MYO16: variants seen among roughly 807,000 people sequenced by gnomAD.
The protein encoded by MYO16 is unconventional myosin-XVI.
In MYO16, 94 loss-of-function variants were observed where a neutral mutation model predicts 205.3. The observed-to-expected ratio is 0.46, with a 90% confidence interval of 0.39 to 0.54. The LOEUF (loss-of-function observed/expected upper bound fraction) is 0.54, where lower values mean the gene tolerates loss of function less well. Among genes scored for constraint, MYO16 ranks in the 20% least tolerant of loss-of-function variants. MYO16 has a pLI of 0.00. For missense variants in MYO16, 2,315 were observed against 2,387.5 expected, an observed-to-expected ratio of 0.97 and a Z score of 0.63; for synonymous variants, 988 against 954.0, an observed-to-expected ratio of 1.04 and a Z score of -0.66.
At chr13:108,538,942 T>G in the MYO16 span, among the ~76,000 whole-genome samples, 1 of 152,114 alleles carries the variant, frequency 6.6e-6, no homozygotes, top group African/African-American at 2.4e-5. Context: ...TCTTCCCTTT[T>G]TGAGTTCTCC....
At chr13:109,009,705 A>G (rs1320721012) in intron 22 of MYO16, among the ~76,000 whole-genome samples, 1 of 152,214 alleles carries the variant, frequency 6.6e-6, no homozygotes, top group Admixed American at 6.5e-5. Context: ...AACAGACACA[A>G]TTCAGCTATT....
intron 10 of MYO16, among the ~76,000 whole-genome samples, chr13:108,851,441 A>G (rs1159757103): frequency 6.6e-6 from 1 of 152,176 alleles, no homozygotes; most frequent in Non-Finnish European, 1.5e-5. Context: ...CTCTCTACAT[A>G]ATGACTTTTG....
At chr13:108,767,070 G>T (rs1397170145) in intron 4 of MYO16, among the ~76,000 whole-genome samples, 1 of 151,732 alleles carries the variant, frequency 6.6e-6, no homozygotes, top group Non-Finnish European at 1.5e-5. Context: ...TTTTGTTCTT[G>T]TTGTATCTGG....
At chr13:108,747,254 A>T (rs1014998470) in intron 4 of MYO16, among the ~76,000 whole-genome samples, 6 of 152,244 alleles carry the variant, frequency 3.9e-5, no homozygotes, top group African/African-American at 1.4e-4. Flanking sequence ...AATAAAGACA[A>T]AATTAACTCC....
chr13:108,822,457 A>G (rs947946749), intron 8 of MYO16, among the ~76,000 whole-genome samples: 2 of 152,148 alleles, frequency 1.3e-5, no homozygotes, highest in Admixed American at 6.6e-5. Context: ...ATTGATATGA[A>G]TGTTGATTTT....
At chr13:108,897,601 T>C (rs1880490764) in intron 14 of MYO16, among the ~76,000 whole-genome samples, 1 of 152,232 alleles carries the variant, frequency 6.6e-6, no homozygotes, top group African/African-American at 2.4e-5. Context: ...TAAATAAATG[T>C]ATTATTGTAA....
intron 5 of MYO16, among the ~76,000 whole-genome samples, chr13:108,789,478 G>A (rs552988113): frequency 6.6e-6 from 1 of 152,110 alleles, no homozygotes; most frequent in Admixed American, 6.6e-5. Context: ...TTTGTTTAAG[G>A]CAGTTTATTT....
At chr13:109,184,929 C>T (rs1044386495) in intron 34 of MYO16, among the ~76,000 whole-genome samples, 4 of 152,108 alleles carry the variant, frequency 2.6e-5, no homozygotes, top group Non-Finnish European at 4.4e-5. Context: ...CCATCATGCT[C>T]GGCTAATTTT....
At chr13:108,783,094 CA>C (rs1886355527) in intron 4 of MYO16, among the ~76,000 whole-genome samples, 1 of 152,090 alleles carries the variant, frequency 6.6e-6, no homozygotes. Flanking sequence ...GGTCCACTGA[CA>C]GCTTGCACCA....
At chr13:109,045,569 C>T (rs924921386) in intron 23 of MYO16, among the ~76,000 whole-genome samples, 4 of 152,144 alleles carry the variant, frequency 2.6e-5, no homozygotes, top group Non-Finnish European at 5.9e-5. Flanking sequence ...GATCTTCTGA[C>T]CCAAATTTAT....
In MYO16 at chr13:109,162,065, A is replaced by G. The variant is rs1289636702; in HGVS notation, c.5165-2836A>G. 1.3e-5 allele frequency among the ~76,000 whole-genome samples: 2 copies of G among 152,252 alleles called. No individual in the cohort carries two copies. The highest frequency in any genetic ancestry group is 4.8e-5 in the African/African-American group (2 of 41,472). On this transcript the variant is annotated intron_variant, in intron 32 of 34. Transcript: ENST00000457511. The surrounding 1 kb of genome is among the most constrained non-coding windows in gnomAD (Gnocchi z 4.6). ...GCCACTGCCCTCCAGCCTGGGCAAC[A>G]GAGTGAGAGACTCTGCCTCAAAAAA...
chr13:108,828,603 A>T (rs997927005), intron 9 of MYO16, among the ~76,000 whole-genome samples: 4 of 152,156 alleles, frequency 2.6e-5, no homozygotes, highest in African/African-American at 9.7e-5. Flanking sequence ...TTATCCTACC[A>T]GGTGAGATGA....
chr13:108,812,951 AC>A (rs1275794290), intron 7 of MYO16, among the ~76,000 whole-genome samples: 8 of 152,198 alleles, frequency 5.3e-5, no homozygotes, highest in African/African-American at 1.9e-4. Flanking sequence ...AACCTCCAGA[AC>A]TGTGAGCAAT....
chr13:108,836,212 A>G (rs902121571), intron 9 of MYO16, among the ~76,000 whole-genome samples: 1 of 152,196 alleles, frequency 6.6e-6, no homozygotes, highest in Non-Finnish European at 1.5e-5. Flanking sequence ...GGGCCAAAGT[A>G]TAGCTTGGGC....
chr13:108,507,961 A>G, the MYO16 span, among the ~76,000 whole-genome samples: 1 of 151,734 alleles, frequency 6.6e-6, no homozygotes, highest in Non-Finnish European at 1.5e-5. Context: ...CTCAGTTATT[A>G]TATACTTAAA....
chr13:109,148,718 A>T (rs966442586), intron 32 of MYO16, among the ~76,000 whole-genome samples: 1 of 152,192 alleles, frequency 6.6e-6, no homozygotes, highest in Admixed American at 6.5e-5. Flanking sequence ...GTGACGTGGG[A>T]AAAGTGAGGA....
chr13:108,881,764 T>G (rs1879630108), intron 12 of MYO16, among the ~76,000 whole-genome samples: 1 of 152,028 alleles, frequency 6.6e-6, no homozygotes, highest in African/African-American at 2.4e-5. Context: ...TAAAAAGAAA[T>G]GAACAAAGCC....
rs188977214 is a variant in MYO16 at position 109,120,869 on chromosome 13, G to A, written c.3535+403G>A. On this transcript the variant is annotated intron_variant, in intron 29 of 34. Transcript: ENST00000457511. ...GTTCAAGACCAGCCTGGGCAACATAGTGAGATCCCCATCTCTCAAAAAATG... is the reference window on the plus strand; with the variant it reads ...GTTCAAGACCAGCCTGGGCAACATAATGAGATCCCCATCTCTCAAAAAATG... 3.2e-4 allele frequency among the ~76,000 whole-genome samples: 49 copies of A among 152,186 alleles called. 1 individual carries two copies. In the East Asian group the frequency reaches 5.4e-3, roughly 17 times the overall value.
At chr13:109,201,439 G>T (rs1594182610) in intron 34 of MYO16, 1 of 117,638 alleles carries the variant, frequency 8.5e-6, no homozygotes. Context: ...TTCCAGTGTT[G>T]TTAATTCCCT....
Sources: allele counts gnomAD v4.1 joint callset (sites outside exome capture counted in the v4.1 genomes callset), GRCh38; gene constraint gnomAD v4.1.1; non-coding constraint Gnocchi (gnomAD v3.1); transcripts MANE v1.5; gene names NCBI Gene and HGNC (gene_info 2026-07-23, HGNC 2026-07-21).